The following AHSA1 variants were observed in gnomAD, a reference collection of about 807,000 sequenced individuals.
AHSA1 encodes activator of HSP90 ATPase activity 1.
A neutral mutation model predicts 46.1 loss-of-function variants in AHSA1; 14 were observed. The ratio of observed to expected loss-of-function variants is 0.30; its 90% confidence interval spans 0.20 to 0.47. AHSA1 has a LOEUF of 0.47. Ranked by LOEUF, AHSA1 falls within the 20% of genes least tolerant of loss-of-function variation. The pLI is 0.99. For synonymous variants in AHSA1, 147 were observed against 145.8 expected (o/e 1.01, Z -0.06); for missense variants, 333 against 415.9 (o/e 0.80, Z 1.73).
rs2079030785 is a variant in AHSA1 at position 77,462,660 on chromosome 14, A to C, written c.373A>C (p.Lys125Gln). ...CACCCAGATTAGTGTGAGCCTTGCC[A>C]AAGATGAGCCTGACACAAATCTCGT... is the stretch of plus-strand genomic sequence containing the variant. ...DEVEISVSLA[K>Q]DEPDTNLVAL... The change falls in exon 4 of 9, where the codon AAA (lysine) becomes CAA (glutamine). Residue 125 changes from lysine (K) to glutamine (Q), a missense_variant. Coordinates refer to ENST00000216479, the MANE Select transcript of AHSA1 (RefSeq NM_012111.3). 2 of 1,614,086 alleles carry C rather than the reference A, an allele frequency of 1.2e-6. No homozygotes were observed. The highest frequency in any genetic ancestry group is 2.7e-5 in the African/African-American group (2 of 74,946).
chr14:77,465,951 T>A (rs1422848226), intron 6 of AHSA1, among the ~76,000 whole-genome samples: 2 of 152,156 alleles, frequency 1.3e-5, no homozygotes, highest in Non-Finnish European at 2.9e-5. Flanking sequence ...CTCAGCGTCC[T>A]GAACAGCTGG....
intron 1 of AHSA1, among the ~76,000 whole-genome samples, chr14:77,458,881 C>A (rs2079004068): frequency 6.6e-6 from 1 of 152,184 alleles, no homozygotes; most frequent in South Asian, 2.1e-4. Context: ...TTCATGAAAT[C>A]TTCCCAAAGT....
chr14:77,469,375 A>C lies in AHSA1; in HGVS notation c.*126A>C. The C allele has an allele frequency of 1.7e-6, 2 of 1,176,882 alleles. No individual in the cohort carries two copies. The highest frequency in any genetic ancestry group is 1.2e-6 in the Non-Finnish European group (1 of 842,148). 72.9% of individuals were successfully genotyped at this position (1,176,882 alleles called of 1,614,324 possible). A position where few individuals can be genotyped will look rare whatever the true frequency, so the allele number is the denominator to read the frequency against. On this transcript the variant is annotated 3_prime_UTR_variant, in exon 9 of 9. Coordinates refer to ENST00000216479, the MANE Select transcript of AHSA1 (RefSeq NM_012111.3). The stretch of plus-strand genomic sequence containing the variant: ...TGGGGCCGGGGCCCCTCCCTTCCAC[A>C]TATACCTTGGGTTTGTGCATGTTTT...
chr14:77,462,746 C>G lies in AHSA1; in HGVS notation c.459C>G (p.Ser153Arg), dbSNP rs746165564. 2.5e-6 allele frequency: 4 copies of G among 1,613,876 alleles called. No homozygotes were observed. In the East Asian group the frequency reaches 8.9e-5, roughly 36 times the overall value. Residue 153 changes from serine (S) to arginine (R), a missense_variant, in exon 4 of 9, where the codon AGC becomes AGG. Ser to Arg is a moderately radical substitution (Grantham distance 110). Transcript: ENST00000216479. ...LLREAMGIYI[S>R]TLKTEFTQGM... ...GAGAAGCAATGGGAATTTACATCAG[C>G]ACCCTCAAAACAGGTATCCCTTGAG...
At chr14:77,468,224 G>T in intron 7 of AHSA1, 40 bp downstream of exon 7, 1 of 1,344,030 alleles carries the variant, frequency 7.4e-7, no homozygotes, top group Non-Finnish European at 1.0e-6. Flanking sequence ...TATTGCCTCT[G>T]GTCAGATGAG....
intron 6 of AHSA1, chr14:77,466,233 C>T (rs1045520004): frequency 1.3e-5 from 2 of 152,572 alleles, no homozygotes; most frequent in Non-Finnish European, 2.9e-5. Flanking sequence ...TCCTCAGCCT[C>T]CTGAGTAGCT....
At chr14:77,457,984 T>C (rs191479001), upstream of AHSA1, 7 of 526,276 alleles carry the variant, frequency 1.3e-5, no homozygotes, top group Admixed American at 1.6e-4. Context: ...GAACCCACGG[T>C]GCGGCGAGTT....
intron 4 of AHSA1, chr14:77,463,183 G>A (rs1023829442): frequency 1.5e-5 from 3 of 200,704 alleles, no homozygotes; most frequent in Non-Finnish European, 3.1e-5. Flanking sequence ...GGGAGGCTGA[G>A]GTGGGAGAGT....
chr14:77,464,744 C>T, intron 5 of AHSA1, 58 bp downstream of exon 5: 1 of 1,430,382 alleles, frequency 7.0e-7, no homozygotes. Flanking sequence ...AGACCGCCTT[C>T]TTAATTCCAC....
intron 2 of AHSA1, among the ~76,000 whole-genome samples, chr14:77,460,956 A>G (rs35462826): frequency 0.11 from 16,845 of 150,450 alleles, 1,124 homozygotes; most frequent in Middle Eastern, 0.32. Context: ...TCAGGAGATC[A>G]AGACCATCCT....
In AHSA1 at chr14:77,468,066, T is replaced by G; in HGVS notation, c.691-17T>G. The G allele has an allele frequency of 2.2e-6, 3 of 1,358,094 alleles. No homozygotes were observed. The highest frequency in any genetic ancestry group is 2.9e-6 in the Non-Finnish European group (3 of 1,036,350). The allele number at this position is 1,358,094 out of a possible 1,614,324, so 84.1% of individuals were successfully genotyped here. A position where few individuals can be genotyped will look rare whatever the true frequency, so the allele number is the denominator to read the frequency against. On this transcript the variant is annotated splice_polypyrimidine_tract_variant and intron_variant, in intron 6 of 8. Transcript: ENST00000216479. Reference sequence around the variant, plus strand: ...TCTTCTGCCTCTTTTTTTTTTTTTTTTTTTTTTTCCCTGCAGCTGGTGCAG... The same window carrying G: ...TCTTCTGCCTCTTTTTTTTTTTTTTGTTTTTTTTCCCTGCAGCTGGTGCAG...
intron 3 of AHSA1, 124 bp downstream of exon 3, chr14:77,462,366 A>G: frequency 1.0e-6 from 1 of 971,748 alleles, no homozygotes; most frequent in Non-Finnish European, 1.5e-6. Context: ...CCTAGCCTGC[A>G]GATAATTTTC....
Position 77,462,652 on chromosome 14 carries a change from G to A in AHSA1, c.365G>A (p.Ser122Asn), listed in dbSNP as rs375064379. 1.5e-5 allele frequency: 24 copies of A among 1,614,160 alleles called. No homozygotes were observed. The highest frequency in any genetic ancestry group is 1.9e-5 in the Non-Finnish European group (23 of 1,180,018). ...TCATCTTTCACCCAGATTAGTGTGA[G>A]CCTTGCCAAAGATGAGCCTGACACA... is the stretch of plus-strand genomic sequence containing the variant. ...NSVDEVEISV[S>N]LAKDEPDTNL... The change falls in exon 4 of 9, where the codon AGC (serine) becomes AAC (asparagine). Residue 122 changes from serine to asparagine, a missense_variant. Physicochemically the swap from Ser to Asn is conservative, Grantham distance 46. Transcript: ENST00000216479.
rs34989956 is a variant in AHSA1, at chr14:77,468,051, CTTTTTTTTTTTTT to C, written c.691-21_691-9del. ...ACTGAAAGCCATGTATCTTCTGCCT[CTTTTTTTTTTTTT>C]TTTTTTTTTTCCCTGCAGCTGGTGC... On this transcript the variant is annotated intron_variant, in intron 6 of 8. Coordinates refer to ENST00000216479, the MANE Select transcript of AHSA1 (RefSeq NM_012111.3). 12 of 684,586 alleles carry C rather than the reference CTTTTTTTTTTTTT, an allele frequency of 1.8e-5. No homozygotes were observed. The highest frequency in any genetic ancestry group is 7.2e-5 in the African/African-American group (3 of 41,640). 42.4% of individuals were successfully genotyped at this position (684,586 alleles called of 1,614,324 possible). A position where few individuals can be genotyped will look rare whatever the true frequency, so the allele number is the denominator to read the frequency against.
In AHSA1 at chr14:77,464,167, A is replaced by G. The variant is rs546628262; in HGVS notation, c.473-431A>G. Among the ~76,000 whole-genome samples, 12 of 152,334 alleles carry G rather than the reference A, an allele frequency of 7.9e-5. No individual in the cohort carries two copies. In the South Asian group the frequency reaches 1.2e-3, roughly 16 times the overall value. ...GCCGAGGCTAGTAGATCACAAGGTC[A>G]GGAGATCAAGACCATCCTGGCCAAC... On this transcript the variant is annotated intron_variant, in intron 4 of 8. Coordinates refer to ENST00000216479, the MANE Select transcript of AHSA1 (RefSeq NM_012111.3).
chr14:77,468,742 T>TAAC (rs1347661752), intron 8 of AHSA1: 105 of 452,166 alleles, frequency 2.3e-4, no homozygotes, highest in Non-Finnish European at 3.3e-4. Context: ...TTTTTTTTTT[T>TAAC]TTTACTTTTT....
rs770908371 is a variant in AHSA1 at position 77,468,074 on chromosome 14, T to TC, written c.691-6dup. 1.2e-4 allele frequency: 160 copies of TC among 1,303,002 alleles called. No homozygotes were observed. Among genetic ancestry groups the TC allele is most frequent in the African/African-American group, 8.5e-4 (54 of 63,444 alleles). The allele number at this position is 1,303,002 out of a possible 1,614,324, so 80.7% of individuals were successfully genotyped here. ...CTCTTTTTTTTTTTTTTTTTTTTTT[T>TC]CCCTGCAGCTGGTGCAGGCCTTTAC... On this transcript the variant is annotated splice_polypyrimidine_tract_variant and intron_variant, in intron 6 of 8. Transcript: ENST00000216479.
In AHSA1 at chr14:77,458,232, G is replaced by C. The variant is rs747958159; in HGVS notation, c.43G>C (p.Glu15Gln). 4 of 1,547,526 alleles carry C rather than the reference G, an allele frequency of 2.6e-6. No individual in the cohort carries two copies. In the South Asian group the frequency reaches 3.6e-5, roughly 14 times the overall value. ...GEGDPRWIVE[E>Q]RADATNVNNW... ...GGGAGACCCACGCTGGATCGTGGAG[G>C]AGCGGGCGGACGCCACCAACGTCAA... is the stretch of plus-strand genomic sequence containing the variant. Residue 15 changes from glutamate (E) to glutamine (Q), a missense_variant, in exon 1 of 9, where the codon GAG becomes CAG. Glu to Gln is a conservative substitution (Grantham distance 29). Coordinates refer to ENST00000216479, the MANE Select transcript of AHSA1 (RefSeq NM_012111.3).
In AHSA1 at chr14:77,459,665, T is replaced by A. The variant is rs1021879099; in HGVS notation, c.130T>A (p.Phe44Ile). The part of the protein sequence containing the change: ...NWSTDKLKTL[F>I]LAVQVQNEEG... Reference sequence around the variant, plus strand: ...GTCCACGGATAAGCTGAAAACACTGTTCCTGGCAGTGCAGGTTCAAAATGA... The same window carrying A: ...GTCCACGGATAAGCTGAAAACACTGATCCTGGCAGTGCAGGTTCAAAATGA... Residue 44 changes from phenylalanine (F) to isoleucine (I), a missense_variant, in exon 2 of 9, where the codon TTC (phenylalanine) becomes ATC (isoleucine). Phe to Ile is a conservative substitution (Grantham distance 21). Coordinates refer to ENST00000216479, the MANE Select transcript of AHSA1 (RefSeq NM_012111.3). 6.2e-7 allele frequency: 1 copy of A among 1,614,118 alleles called. No homozygotes were observed. Among genetic ancestry groups the A allele is most frequent in the South Asian group, 1.1e-5 (1 of 91,092 alleles).
Sources: allele counts gnomAD v4.1 joint callset (sites outside exome capture counted in the v4.1 genomes callset), GRCh38; gene constraint gnomAD v4.1.1; transcripts MANE v1.5; gene names NCBI Gene and HGNC (gene_info 2026-07-23, HGNC 2026-07-21).